The following RGPD2 variants were observed in gnomAD, a reference collection of about 807,000 sequenced individuals.
RGPD2 encodes RANBP2-like and GRIP domain-containing protein 2.
In RGPD2, 2 loss-of-function variants were observed where a neutral mutation model predicts 36.0. The ratio of observed to expected loss-of-function variants is 0.06; its 90% CI spans 0.02 to 0.17. The LOEUF (loss-of-function observed/expected upper bound fraction) is 0.17, where lower values mean the gene tolerates loss of function less well. RGPD2 is among the 10% of genes least tolerant of loss of function. The pLI, the probability that RGPD2 is intolerant of heterozygous loss-of-function variation, is 1.00. For synonymous variants in RGPD2, 19 were observed against 163.8 expected (o/e 0.12, Z 6.75); for missense variants, 40 against 464.3 (o/e 0.09, Z 8.40).
Position 87,784,350 on chromosome 2 carries a change from G to GA in RGPD2, c.2677-4dup, listed in dbSNP as rs1313683303. ...TTAAATTCTGTATTAGAAGAACCCT[G>GA]AAACATAAATGAAGGTGAATTTTCT... On this transcript the variant is annotated splice_polypyrimidine_tract_variant and splice_region_variant and intron_variant, in intron 19 of 22. Transcript: ENST00000398146. The GA allele has an allele frequency of 5.5e-6, 2 of 364,420 alleles. No individual in the cohort carries two copies. The highest frequency in any genetic ancestry group is 5.1e-5 in the African/African-American group (2 of 38,952). 22.6% of individuals were successfully genotyped at this position (364,420 alleles called of 1,614,324 possible).
chr2:87,845,793 A>G, the RGPD2 span, among the ~76,000 whole-genome samples: 7 of 152,072 alleles, frequency 4.6e-5, no homozygotes, highest in African/African-American at 1.4e-4. Context: ...ACCTTTTTTA[A>G]TATTTTCCAT....
intron 6 of RGPD2, among the ~76,000 whole-genome samples, chr2:87,809,761 A>G (rs1259577831): frequency 6.6e-6 from 1 of 151,530 alleles, no homozygotes; most frequent in East Asian, 1.9e-4. Flanking sequence ...TCACCCCCTC[A>G]TGGTCCGGAT....
the RGPD2 span, among the ~76,000 whole-genome samples, chr2:87,915,015 C>A: frequency 6.6e-6 from 1 of 151,824 alleles, no homozygotes; most frequent in African/African-American, 2.4e-5. Context: ...GGCATGGTGG[C>A]GCATGCCTGT....
the RGPD2 span, among the ~76,000 whole-genome samples, chr2:87,988,678 T>C: frequency 6.6e-6 from 1 of 151,328 alleles, no homozygotes; most frequent in South Asian, 2.1e-4. Flanking sequence ...GTAGCTGAGA[T>C]TACAGAAGTG....
chr2:87,931,241 T>C, the RGPD2 span, among the ~76,000 whole-genome samples: 2 of 732 alleles, frequency 2.7e-3, no homozygotes, highest in South Asian at 0.023. Context: ...CCGCCTTAGC[T>C]GTGTCCCAGA....
chr2:87,909,165 A>G, the RGPD2 span, among the ~76,000 whole-genome samples: 4 of 152,050 alleles, frequency 2.6e-5, no homozygotes, highest in Non-Finnish European at 4.4e-5. Context: ...TCTTCCTGCA[A>G]ATGTAGATTG....
the RGPD2 span, among the ~76,000 whole-genome samples, chr2:87,919,788 A>G: frequency 6.7e-6 from 1 of 149,820 alleles, no homozygotes; most frequent in Admixed American, 6.7e-5. Context: ...ATACTATACT[A>G]AGCACTTTAC....
At chr2:87,944,095 G>GA in the RGPD2 span, among the ~76,000 whole-genome samples, 1 of 148,558 alleles carries the variant, frequency 6.7e-6, no homozygotes, top group Non-Finnish European at 1.5e-5. Context: ...CCACTTCAAG[G>GA]AAAACAAATG....
At chr2:87,980,234 C>T in the RGPD2 span, among the ~76,000 whole-genome samples, 1 of 143,974 alleles carries the variant, frequency 6.9e-6, no homozygotes, top group South Asian at 2.3e-4. Context: ...GCCTGTAATC[C>T]CAGCTATTCA....
At chr2:87,933,710 T>G in the RGPD2 span, among the ~76,000 whole-genome samples, 1 of 150,098 alleles carries the variant, frequency 6.7e-6, no homozygotes, top group Non-Finnish European at 1.5e-5. Flanking sequence ...TTGTCTTTTC[T>G]GCTATTACTA....
intron 1 of RGPD2, among the ~76,000 whole-genome samples, 181 bp downstream of exon 1, chr2:87,825,477 C>CGCCGCCGCCGCCGCCCGGCCGAGGCCGAG (rs1686710655): frequency 9.6e-6 from 1 of 104,030 alleles, no homozygotes; most frequent in African/African-American, 3.3e-5. Context: ...AGGCCGCCGT[C>CGCCGCCGCCGCCGCCCGGCCGAGGCCGAG]GCCGCCGCCG....
At chr2:87,959,043 TA>T in the RGPD2 span, among the ~76,000 whole-genome samples, 141 of 20,706 alleles carry the variant, frequency 6.8e-3, 2 homozygotes, top group East Asian at 0.17. Flanking sequence ...TTCAGGGAGA[TA>T]TATATATATA....
chr2:87,963,773 C>A, the RGPD2 span, among the ~76,000 whole-genome samples: 7 of 125,028 alleles, frequency 5.6e-5, no homozygotes, highest in African/African-American at 2.4e-4. Context: ...ATCATTAATT[C>A]ATTTATGCTG....
At chr2:87,952,016 C>A in the RGPD2 span, among the ~76,000 whole-genome samples, 1 of 152,188 alleles carries the variant, frequency 6.6e-6, no homozygotes, top group African/African-American at 2.4e-5. Flanking sequence ...CATCTGCTTC[C>A]ACCTGTTGAG....
At chr2:87,915,264 G>A in the RGPD2 span, among the ~76,000 whole-genome samples, 44 of 143,104 alleles carry the variant, frequency 3.1e-4, no homozygotes, top group African/African-American at 1.1e-3. Context: ...ATATATACGT[G>A]TGTGTGTGTG....
At chr2:87,825,419 C>CGGG (rs1381648390) in intron 1 of RGPD2, among the ~76,000 whole-genome samples, 1 of 112,642 alleles carries the variant, frequency 8.9e-6, no homozygotes, top group African/African-American at 3.2e-5. Flanking sequence ...AGGCCGAGGC[C>CGGG]GCCGCCGCCG....
At chr2:87,980,119 G>T in the RGPD2 span, among the ~76,000 whole-genome samples, 43 of 152,128 alleles carry the variant, frequency 2.8e-4, no homozygotes, top group African/African-American at 1.0e-3. Context: ...GGACACCAAG[G>T]TCAGGAAGGT....
chr2:87,964,264 T>C, the RGPD2 span, among the ~76,000 whole-genome samples: 1 of 152,276 alleles, frequency 6.6e-6, no homozygotes, highest in Non-Finnish European at 1.5e-5. Context: ...TGTTCAGTGG[T>C]ATAACATTTT....
At chr2:87,953,077 C>A in the RGPD2 span, among the ~76,000 whole-genome samples, 2 of 152,094 alleles carry the variant, frequency 1.3e-5, no homozygotes, top group African/African-American at 2.4e-5. Flanking sequence ...GCTTAAGGAG[C>A]TTTTACAAGC....
Sources: allele counts gnomAD v4.1 joint callset (sites outside exome capture counted in the v4.1 genomes callset), GRCh38; gene constraint gnomAD v4.1.1; transcripts MANE v1.5; gene names NCBI Gene and HGNC (gene_info 2026-07-23, HGNC 2026-07-21).